The following CTIF variants were observed in gnomAD, a reference collection of about 807,000 sequenced individuals.
CTIF encodes the protein cap binding complex dependent translation initiation factor.
CTIF carries 21 observed loss-of-function variants against 66.0 expected under a neutral mutation model. The ratio of observed to expected loss-of-function variants is 0.32; its 90% confidence interval spans 0.23 to 0.46. The LOEUF (loss-of-function observed/expected upper bound fraction) is 0.46. Ranked by LOEUF, CTIF falls within the 20% of genes least tolerant of loss-of-function variation. The pLI is 1.00. For synonymous variants in CTIF, 345 were observed against 326.4 expected (o/e 1.06, Z -0.62); for missense variants, 739 against 812.7 (o/e 0.91, Z 1.10).
intron 6 of CTIF, among the ~76,000 whole-genome samples, chr18:48,677,327 C>T (rs187447771): frequency 5.9e-5 from 9 of 152,310 alleles, no homozygotes; most frequent in Non-Finnish European, 1.2e-4. Flanking sequence ...CATTACGGAT[C>T]AGGCATCTCT....
At chr18:48,713,946 G>A (rs2092254504) in intron 7 of CTIF, among the ~76,000 whole-genome samples, 1 of 152,196 alleles carries the variant, frequency 6.6e-6, no homozygotes, top group South Asian at 2.1e-4. Flanking sequence ...TCTTCTAGAT[G>A]CGGTAGAATC....
At chr18:48,543,167 T>C (rs1218154724) in intron 1 of CTIF, among the ~76,000 whole-genome samples, 1 of 152,196 alleles carries the variant, frequency 6.6e-6, no homozygotes, top group Non-Finnish European at 1.5e-5. Flanking sequence ...TTTAAGGTTA[T>C]GTTGTTTGCA....
intron 10 of CTIF, among the ~76,000 whole-genome samples, chr18:48,819,162 C>T (rs951596269): frequency 1.3e-5 from 2 of 152,226 alleles, no homozygotes; most frequent in Admixed American, 6.5e-5. Context: ...AACAAATGCA[C>T]TTGAAATCAG....
chr18:48,584,104 C>T (rs1161410159), intron 1 of CTIF, among the ~76,000 whole-genome samples: 1 of 152,182 alleles, frequency 6.6e-6, no homozygotes, highest in Non-Finnish European at 1.5e-5. Context: ...CTGGCTGCAG[C>T]CTTGTACCAG....
At chr18:48,697,231 G>A (rs1026651336) in intron 6 of CTIF, among the ~76,000 whole-genome samples, 2 of 152,238 alleles carry the variant, frequency 1.3e-5, no homozygotes, top group African/African-American at 4.8e-5. Context: ...CTAAGGCACT[G>A]TGCCAGACAC....
chr18:48,718,973 C>T (rs572132462), intron 7 of CTIF, among the ~76,000 whole-genome samples: 38 of 152,306 alleles, frequency 2.5e-4, no homozygotes, highest in African/African-American at 8.7e-4. Flanking sequence ...GCTGCCTTTT[C>T]TGGGCTGGTA....
At chr18:48,674,945 T>A (rs1206631487) in intron 6 of CTIF, among the ~76,000 whole-genome samples, 1 of 151,914 alleles carries the variant, frequency 6.6e-6, no homozygotes, top group East Asian at 1.9e-4. Context: ...AATAGCCAGG[T>A]TTTATGGCAT....
chr18:48,554,818 A>C (rs1164556420), intron 1 of CTIF, among the ~76,000 whole-genome samples: 1 of 152,258 alleles, frequency 6.6e-6, no homozygotes, highest in Non-Finnish European at 1.5e-5. Flanking sequence ...TCTGCCTTGT[A>C]GCCTCCCGGG....
rs1223934207 is a variant in CTIF at position 48,862,475 on chromosome 18, G to A, written c.*2916G>A. The stretch of plus-strand genomic sequence containing the variant: ...CCGAAGCTCTGGGACCGCAGCCCCA[G>A]CGAGGCCCCCAACCTCACCCAGACG... On this transcript the variant is annotated 3_prime_UTR_variant, in exon 12 of 12. Transcript: ENST00000256413. 6.6e-6 allele frequency: 1 copy of A among 152,582 alleles called. No individual in the cohort carries two copies. The highest frequency in any genetic ancestry group is 1.5e-5 in the Non-Finnish European group (1 of 68,046). 9.5% of individuals were successfully genotyped at this position (152,582 alleles called of 1,614,324 possible). A position where few individuals can be genotyped will look rare whatever the true frequency, so the allele number is the denominator to read the frequency against.
At chr18:48,801,663 C>T (rs530925510) in intron 9 of CTIF, among the ~76,000 whole-genome samples, 1 of 152,142 alleles carries the variant, frequency 6.6e-6, no homozygotes, top group African/African-American at 2.4e-5. Context: ...CCTGTGTATT[C>T]ATCTATTTTT....
intron 6 of CTIF, among the ~76,000 whole-genome samples, chr18:48,693,027 A>G (rs904259763): frequency 2.6e-5 from 4 of 152,222 alleles, no homozygotes; most frequent in Non-Finnish European, 5.9e-5. Flanking sequence ...TTGAGCATTG[A>G]TAGATGAACC....
chr18:48,850,378 T>C (rs1175575179), intron 10 of CTIF, among the ~76,000 whole-genome samples: 1 of 152,212 alleles, frequency 6.6e-6, no homozygotes, highest in African/African-American at 2.4e-5. Context: ...GTGTTTGAGC[T>C]AAGTGAAGCT....
At chr18:48,759,111 C>CT (rs1481666565) in intron 8 of CTIF, among the ~76,000 whole-genome samples, 1 of 152,188 alleles carries the variant, frequency 6.6e-6, no homozygotes, top group Non-Finnish European at 1.5e-5. Context: ...GACCCTAAAC[C>CT]TCCAGAAGAG....
chr18:48,740,754 G>A (rs758490658), intron 7 of CTIF, among the ~76,000 whole-genome samples: 1 of 152,196 alleles, frequency 6.6e-6, no homozygotes, highest in Admixed American at 6.5e-5. Context: ...TTTGGAAGGA[G>A]TGGACTCCAG....
intron 10 of CTIF, among the ~76,000 whole-genome samples, chr18:48,833,753 C>G (rs1340211396): frequency 2.0e-5 from 3 of 152,202 alleles, no homozygotes; most frequent in African/African-American, 4.8e-5. Context: ...AAAAGCTTAC[C>G]TAGAACCCCC....
In CTIF at chr18:48,758,132, C is replaced by T. The variant is rs151234284; in HGVS notation, c.798C>T (p.Gly266=). ...KHPPGDKGEA[G]AHRNAKETMT... ...CACCAGGCGACAAGGGGGAGGCAGG[C>T]GCACACCGCAATGCCAAAGAGACCA... The change falls in exon 8 of 12, where the codon GGC becomes GGT. Residue 266 remains glycine (G), a synonymous_variant. Coordinates refer to ENST00000256413, the MANE Select transcript of CTIF (RefSeq NM_014772.3). 1.2e-4 allele frequency: 193 copies of T among 1,613,932 alleles called. No homozygotes were observed. In the Middle Eastern group the frequency reaches 2.1e-3, roughly 18 times the overall value.
At chr18:48,690,304 T>C (rs575603381) in intron 6 of CTIF, among the ~76,000 whole-genome samples, 1 of 152,312 alleles carries the variant, frequency 6.6e-6, no homozygotes, top group East Asian at 1.9e-4. Flanking sequence ...TGACAGCCCC[T>C]TACCAGTCTG....
At chr18:48,730,842 G>A (rs1355964285) in intron 7 of CTIF, among the ~76,000 whole-genome samples, 2 of 150,808 alleles carry the variant, frequency 1.3e-5, no homozygotes, top group Non-Finnish European at 2.9e-5. Context: ...GTGGTGTGAG[G>A]GACCCCCGCA....
At position 48,757,960 on chromosome 18, in the gene CTIF, A is replaced by T; in HGVS notation, c.626A>T (p.His209Leu). Residue 209 changes from histidine to leucine, a missense_variant, in exon 8 of 12, where the codon CAT (histidine) becomes CTT (leucine). Transcript: ENST00000256413. ...RPPGGNKPQQHGDHQPGSAKH... is the reference protein window; with the variant it reads ...RPPGGNKPQQLGDHQPGSAKH... The stretch of plus-strand genomic sequence containing the variant: ...CCGGGGGGCAACAAGCCCCAACAGC[A>T]TGGTGACCACCAGCCAGGCAGTGCC... 2 of 1,613,806 alleles carry T rather than the reference A, an allele frequency of 1.2e-6. No individual in the cohort carries two copies. The highest frequency in any genetic ancestry group is 2.2e-5 in the South Asian group (2 of 91,068).
Sources: gnomAD v4.1 joint callset for allele counts (sites outside exome capture counted in the v4.1 genomes callset) on GRCh38, gnomAD v4.1.1 for gene constraint, MANE v1.5 for transcripts, NCBI Gene and HGNC (gene_info 2026-07-23, HGNC 2026-07-21) for gene names.